The following MFHAS1 variants were observed in gnomAD, a reference collection of about 807,000 sequenced individuals.
MFHAS1 encodes the protein multifunctional ROCO family signaling regulator 1, also known as malignant fibrous histiocytoma-amplified sequence 1.
Under a neutral mutation model 70.4 loss-of-function variants are expected in MFHAS1, and 50 were observed. The ratio of observed to expected loss-of-function variants is 0.71; its 90% CI spans 0.57 to 0.90. The LOEUF (loss-of-function observed/expected upper bound fraction) is 0.90. Among genes scored for constraint, MFHAS1 ranks in the 40% least tolerant of loss-of-function variants. The pLI is 0.00. For missense variants in MFHAS1, 1,795 were observed against 1,347.6 expected, an observed-to-expected ratio of 1.33 and a Z score of -5.20; for synonymous variants, 952 against 620.0, an observed-to-expected ratio of 1.54 and a Z score of -7.96.
intron 2 of MFHAS1, among the ~76,000 whole-genome samples, chr8:8,792,398 C>G (rs1190641345): frequency 6.6e-6 from 1 of 152,162 alleles, no homozygotes; most frequent in Non-Finnish European, 1.5e-5. Flanking sequence ...GTCGGGAGTT[C>G]AAGACCAGCC....
intron 1 of MFHAS1, among the ~76,000 whole-genome samples, chr8:8,869,334 A>G (rs1348269056): frequency 2.0e-5 from 3 of 152,224 alleles, no homozygotes; most frequent in African/African-American, 7.2e-5. Flanking sequence ...CTAGAACAAA[A>G]GCTGATTCGT....
intron 1 of MFHAS1, among the ~76,000 whole-genome samples, chr8:8,863,108 C>T (rs1395735792): frequency 6.6e-6 from 1 of 152,158 alleles, no homozygotes; most frequent in Non-Finnish European, 1.5e-5. Flanking sequence ...ATTCTTTCCT[C>T]ACTGAATTAT....
intron 1 of MFHAS1, among the ~76,000 whole-genome samples, chr8:8,855,535 T>C (rs1016833134): frequency 6.6e-6 from 1 of 152,188 alleles, no homozygotes; most frequent in Non-Finnish European, 1.5e-5. Context: ...ATCCCACAGA[T>C]TCTTTAATCC....
At chr8:8,816,405 C>A (rs1021146082) in intron 1 of MFHAS1, among the ~76,000 whole-genome samples, 1 of 152,132 alleles carries the variant, frequency 6.6e-6, no homozygotes, top group African/African-American at 2.4e-5. Context: ...CATGACCATC[C>A]TCCCCAAGAA....
rs200542569 is a variant in MFHAS1 at position 8,889,111 on chromosome 8, CG to C, written c.2998+949del. ...CTTATGATGGTTTAAAAAAAGAAAA[CG>C]AAAAAAAAGTCTACTGGAAAACACT... On this transcript the variant is annotated intron_variant, in intron 1 of 2. Coordinates refer to ENST00000276282, the MANE Select transcript of MFHAS1 (RefSeq NM_004225.3). 4.0e-3 allele frequency among the ~76,000 whole-genome samples: 602 copies of C among 149,840 alleles called. 7 individuals are homozygous for C. Among genetic ancestry groups the C allele is most frequent in the African/African-American group, 0.014 (582 of 40,826 alleles).
intron 1 of MFHAS1, among the ~76,000 whole-genome samples, chr8:8,862,643 C>T (rs561471213): frequency 5.0e-4 from 76 of 152,222 alleles, no homozygotes; most frequent in African/African-American, 1.8e-3. Flanking sequence ...GATACTATAA[C>T]GGTGGATACA....
intron 1 of MFHAS1, among the ~76,000 whole-genome samples, chr8:8,852,741 T>TA (rs1808293905): frequency 6.6e-6 from 1 of 152,154 alleles, no homozygotes; most frequent in South Asian, 2.1e-4. Flanking sequence ...TTGCCTTCCC[T>TA]AATAGGGCAC....
At chr8:8,786,086 G>A in intron 2 of MFHAS1, 31 bp from the exon 3 acceptor site, 4 of 1,607,284 alleles carry the variant, frequency 2.5e-6, no homozygotes, top group South Asian at 2.2e-5. Flanking sequence ...AAAGCACAGA[G>A]ATGACAAAAA....
chr8:8,826,188 G>A (rs1246955663), intron 1 of MFHAS1, among the ~76,000 whole-genome samples: 2 of 151,668 alleles, frequency 1.3e-5, no homozygotes, highest in Non-Finnish European at 2.9e-5. Flanking sequence ...TTCCACAGAG[G>A]TAACTACTGT....
chr8:8,824,898 C>T (rs900778983), intron 1 of MFHAS1, among the ~76,000 whole-genome samples: 2 of 152,240 alleles, frequency 1.3e-5, no homozygotes, highest in Admixed American at 6.5e-5. Flanking sequence ...GCTGGCCTCA[C>T]GGGAACAGAT....
At chr8:8,830,235 C>A (rs1436918062) in intron 1 of MFHAS1, among the ~76,000 whole-genome samples, 1 of 152,126 alleles carries the variant, frequency 6.6e-6, no homozygotes, top group Non-Finnish European at 1.5e-5. Flanking sequence ...AAGCAAAAGG[C>A]TCAAGGAAGA....
chr8:8,790,072 C>G (rs1805673502), intron 2 of MFHAS1, among the ~76,000 whole-genome samples: 1 of 152,140 alleles, frequency 6.6e-6, no homozygotes, highest in Admixed American at 6.5e-5. Flanking sequence ...TCAAAAATGA[C>G]TTCCTTTTTT....
chr8:8,849,371 G>T (rs976763575), intron 1 of MFHAS1, among the ~76,000 whole-genome samples: 1 of 152,030 alleles, frequency 6.6e-6, no homozygotes, highest in Non-Finnish European at 1.5e-5. Flanking sequence ...GTGAGCCACC[G>T]CACCCAGCCT....
chr8:8,794,272 C>T (rs560339304), intron 2 of MFHAS1, among the ~76,000 whole-genome samples: 1 of 152,238 alleles, frequency 6.6e-6, no homozygotes, highest in East Asian at 1.9e-4. Context: ...GCAATAGCCC[C>T]GGACTTCCAA....
At chr8:8,890,024 G>C (rs1220893007) in intron 1 of MFHAS1, 37 bp downstream of exon 1, 1 of 1,482,076 alleles carries the variant, frequency 6.7e-7, no homozygotes, top group Admixed American at 2.0e-5. Flanking sequence ...ATATCTTACA[G>C]CATACCACAG....
chr8:8,800,260 A>G (rs1806043275), intron 1 of MFHAS1, among the ~76,000 whole-genome samples: 1 of 152,262 alleles, frequency 6.6e-6, no homozygotes, highest in African/African-American at 2.4e-5. Flanking sequence ...AACTGCTACA[A>G]AAGTTAATTT....
Position 8,892,522 on chromosome 8 carries a change from G to A in MFHAS1, c.537C>T (p.Cys179=), listed in dbSNP as rs1387981355. 4 of 1,596,734 alleles carry A rather than the reference G, an allele frequency of 2.5e-6. No homozygotes were observed. Among genetic ancestry groups the A allele is most frequent in the Non-Finnish European group, 2.6e-6 (3 of 1,171,780 alleles). The change falls in exon 1 of 3, where the codon TGC becomes TGT. Residue 179 remains cysteine, a synonymous_variant. Coordinates refer to ENST00000276282, the MANE Select transcript of MFHAS1 (RefSeq NM_004225.3). This position sits in a 1 kb window ranked among gnomAD's most constrained non-coding sequence, Gnocchi z 4.7. The stretch of plus-strand genomic sequence containing the variant: ...CGTCCAGGGTGCGCAGGCGGGAGAG[G>A]CAGGAGAGGGAGTCAGGCAGGTGCG... ...RLAHLPDSLS[C]LSRLRTLDVD...
intron 1 of MFHAS1, among the ~76,000 whole-genome samples, chr8:8,842,088 G>C (rs574507327): frequency 6.6e-6 from 1 of 152,158 alleles, no homozygotes; most frequent in African/African-American, 2.4e-5. Flanking sequence ...CTTAGTAACC[G>C]GACAGCCTGC....
chr8:8,855,749 G>A (rs1808415189), intron 1 of MFHAS1, among the ~76,000 whole-genome samples: 1 of 152,154 alleles, frequency 6.6e-6, no homozygotes. Context: ...CCAGCTACTT[G>A]GGAGGCTGAG....
Sources: allele counts gnomAD v4.1 joint callset (sites outside exome capture counted in the v4.1 genomes callset), GRCh38; gene constraint gnomAD v4.1.1; non-coding constraint Gnocchi (gnomAD v3.1); transcripts MANE v1.5; gene names NCBI Gene and HGNC (gene_info 2026-07-23, HGNC 2026-07-21).